UNC13C: variants seen among roughly 807,000 people sequenced by gnomAD.
UNC13C encodes unc-13 homolog C.
Under a neutral mutation model 245.4 loss-of-function variants are expected in UNC13C, and 174 were observed. The observed-to-expected ratio is 0.71, with a 90% CI of 0.63 to 0.80. The LOEUF is 0.80. UNC13C is among the 30% of genes least tolerant of loss of function. UNC13C has a pLI of 0.00. For synonymous variants in UNC13C, 992 were observed against 895.1 expected (o/e 1.11, Z -1.93); for missense variants, 2,829 against 2,602.9 (o/e 1.09, Z -1.89).
chr15:54,012,064 G>C (rs578159798), intron 1 of UNC13C, among the ~76,000 whole-genome samples: 1 of 152,304 alleles, frequency 6.6e-6, no homozygotes, highest in African/African-American at 2.4e-5. Context: ...ATGAGGCCCT[G>C]TGCTGGCAAA....
At chr15:54,187,955 G>T (rs1395913562) in intron 4 of UNC13C, among the ~76,000 whole-genome samples, 1 of 151,880 alleles carries the variant, frequency 6.6e-6, no homozygotes, top group Admixed American at 6.6e-5. Flanking sequence ...GATTGCAGGC[G>T]CCCACCACCC....
chr15:54,283,990 A>G (rs1351497695), intron 10 of UNC13C, among the ~76,000 whole-genome samples: 2 of 152,198 alleles, frequency 1.3e-5, no homozygotes, highest in Non-Finnish European at 2.9e-5. Context: ...TTTGAATATT[A>G]TAGCTAGAAT....
At chr15:54,133,442 T>C (rs2031547573) in intron 2 of UNC13C, among the ~76,000 whole-genome samples, 1 of 152,170 alleles carries the variant, frequency 6.6e-6, no homozygotes, top group Non-Finnish European at 1.5e-5. Flanking sequence ...TTATTTTAAA[T>C]TGTTTGTGGA....
intron 24 of UNC13C, among the ~76,000 whole-genome samples, chr15:54,515,170 A>AT (rs2141122210): frequency 6.6e-6 from 1 of 152,236 alleles, no homozygotes; most frequent in South Asian, 2.1e-4. Flanking sequence ...ACCTCTGGTG[A>AT]TTTTTTATGT....
chr15:54,625,448 A>G (rs1901073456), intron 32 of UNC13C, among the ~76,000 whole-genome samples: 1 of 152,114 alleles, frequency 6.6e-6, no homozygotes, highest in South Asian at 2.1e-4. Context: ...GAAGATAGCA[A>G]TTTACCAAGA....
At chr15:54,139,504 A>G (rs1424136278) in intron 2 of UNC13C, among the ~76,000 whole-genome samples, 4 of 152,216 alleles carry the variant, frequency 2.6e-5, no homozygotes, top group African/African-American at 9.6e-5. Context: ...AAAACAGTGT[A>G]TTGATAGACA....
intron 10 of UNC13C, among the ~76,000 whole-genome samples, chr15:54,272,610 A>G (rs1482056726): frequency 6.6e-6 from 1 of 152,002 alleles, no homozygotes; most frequent in African/African-American, 2.4e-5. Flanking sequence ...ATTAGAATTT[A>G]TTTATTTATT....
the UNC13C span, among the ~76,000 whole-genome samples, chr15:53,848,474 G>T: frequency 1.2e-4 from 19 of 152,070 alleles, no homozygotes; most frequent in Non-Finnish European, 1.5e-4. Flanking sequence ...ATTGCATATT[G>T]TCAGAGAACA....
chr15:53,917,909 G>A, the UNC13C span, among the ~76,000 whole-genome samples: 1 of 152,068 alleles, frequency 6.6e-6, no homozygotes, highest in Non-Finnish European at 1.5e-5. Flanking sequence ...ACAGTCACCT[G>A]TCTTAGCTAA....
intron 19 of UNC13C, among the ~76,000 whole-genome samples, chr15:54,471,906 C>G (rs1296834385): frequency 6.6e-6 from 1 of 151,670 alleles, no homozygotes. Context: ...AAAAATTAAT[C>G]TATTTAGCTA....
chr15:53,999,898 C>T (rs761410852), intron 1 of UNC13C, among the ~76,000 whole-genome samples: 9 of 151,794 alleles, frequency 5.9e-5, no homozygotes, highest in Non-Finnish European at 1.2e-4. Flanking sequence ...ATTATGGTCA[C>T]GATATATGCT....
rs548018980 is a variant in UNC13C, at chr15:54,166,700, GCAAA to G, written c.3071+23020_3071+23023del. 4.9e-3 allele frequency among the ~76,000 whole-genome samples: 747 copies of G among 152,096 alleles called. 12 individuals carry two copies. Among genetic ancestry groups the G allele is most frequent in the African/African-American group, 0.017 (713 of 41,508 alleles). Reference sequence around the variant, plus strand: ...TATATCAAAATCAATTTTTTTATCAGCAAACAATTATAAAATGAAATTTTAAGAA... The same window carrying G: ...TATATCAAAATCAATTTTTTTATCAGCAATTATAAAATGAAATTTTAAGAA... On this transcript the variant is annotated intron_variant, in intron 4 of 32. Transcript: ENST00000260323.
intron 16 of UNC13C, among the ~76,000 whole-genome samples, chr15:54,335,537 G>T (rs1282776241): frequency 2.6e-5 from 4 of 152,000 alleles, no homozygotes; most frequent in Non-Finnish European, 5.9e-5. Flanking sequence ...AAATTCCCTT[G>T]TGCTATACCA....
intron 2 of UNC13C, among the ~76,000 whole-genome samples, chr15:54,093,900 T>C (rs1401282605): frequency 6.6e-6 from 1 of 152,190 alleles, no homozygotes; most frequent in Admixed American, 6.5e-5. Flanking sequence ...ATATTAAAAA[T>C]CTGAATTACT....
At chr15:54,442,224 G>A (rs889070868) in intron 19 of UNC13C, among the ~76,000 whole-genome samples, 2 of 150,016 alleles carry the variant, frequency 1.3e-5, no homozygotes, top group African/African-American at 4.9e-5. Flanking sequence ...AATGAAATTA[G>A]GCATCTTTCA....
chr15:54,129,615 A>G (rs1035337340), intron 2 of UNC13C, among the ~76,000 whole-genome samples: 2 of 151,810 alleles, frequency 1.3e-5, no homozygotes, highest in African/African-American at 4.8e-5. Flanking sequence ...TATATTTTTA[A>G]GAAAATTTTT....
chr15:54,396,340 G>A (rs2040069339), intron 18 of UNC13C, among the ~76,000 whole-genome samples: 1 of 151,590 alleles, frequency 6.6e-6, no homozygotes, highest in African/African-American at 2.4e-5. Context: ...ATGTGTAAAT[G>A]TAATCATAAA....
intron 30 of UNC13C, among the ~76,000 whole-genome samples, chr15:54,605,138 G>T (rs1200662696): frequency 6.6e-6 from 1 of 152,146 alleles, no homozygotes; most frequent in Non-Finnish European, 1.5e-5. Context: ...AGGGAGAAGT[G>T]ATCAGTGGGA....
the UNC13C span, among the ~76,000 whole-genome samples, chr15:53,871,257 T>A: frequency 6.6e-6 from 1 of 152,332 alleles, no homozygotes; most frequent in African/African-American, 2.4e-5. Context: ...GTGATGTTCA[T>A]TGACCTTCCA....
Sources: allele counts gnomAD v4.1 joint callset (sites outside exome capture counted in the v4.1 genomes callset), GRCh38; gene constraint gnomAD v4.1.1; transcripts MANE v1.5; gene names NCBI Gene and HGNC (gene_info 2026-07-23, HGNC 2026-07-21).